The following RALGDS variants were observed in gnomAD, a reference collection of about 807,000 sequenced individuals.
RALGDS encodes the protein ral guanine nucleotide exchange factor.
RALGDS carries 44 observed loss-of-function variants against 99.8 expected under a neutral mutation model. That is an observed-to-expected ratio of 0.44 (90% CI 0.35 to 0.57). The LOEUF (loss-of-function observed/expected upper bound fraction) is 0.57, where lower values mean the gene tolerates loss of function less well. Ranked by LOEUF, RALGDS falls within the 20% of genes least tolerant of loss-of-function variation. The pLI, the probability that RALGDS is intolerant of heterozygous loss-of-function variation, is 0.01. For synonymous variants in RALGDS, 529 were observed against 505.0 expected (o/e 1.05, Z -0.64); for missense variants, 1,022 against 1,203.1 (o/e 0.85, Z 2.23).
At chr9:133,138,708 C>G (rs774675182) in intron 1 of RALGDS, among the ~76,000 whole-genome samples, 1 of 152,196 alleles carries the variant, frequency 6.6e-6, no homozygotes, top group Non-Finnish European at 1.5e-5. Context: ...GATCTCGGCT[C>G]GCTGCAACCT....
chr9:133,098,503 T>G lies in RALGDS; in HGVS notation c.*84A>C, dbSNP rs1588503208. ...GTCTGGGGTACCCTGGGCTGGCAGGTGGGAGGAAGGCGCCCAGCTGGCCTG... is the reference window on the plus strand; with the variant it reads ...GTCTGGGGTACCCTGGGCTGGCAGGGGGGAGGAAGGCGCCCAGCTGGCCTG... On this transcript the variant is annotated 3_prime_UTR_variant, in exon 18 of 18. Transcript: ENST00000372050. The G allele has an allele frequency of 2.1e-6, 3 of 1,430,730 alleles. No individual in the cohort carries two copies. The highest frequency in any genetic ancestry group is 1.9e-6 in the Non-Finnish European group (2 of 1,026,088). 88.6% of individuals were successfully genotyped at this position (1,430,730 alleles called of 1,614,324 possible).
At chr9:133,124,145 CACAGAGACACATACATAGAG>C (rs1412830115), upstream of RALGDS, among the ~76,000 whole-genome samples, 1 of 146,562 alleles carries the variant, frequency 6.8e-6, no homozygotes, top group Admixed American at 6.8e-5. Context: ...GACACACACA[CACAGAGACACATACATAGAG>C]ACAGAGACAC....
chr9:133,103,091 TG>T, intron 12 of RALGDS, 138 bp downstream of exon 12: 2 of 1,371,104 alleles, frequency 1.5e-6, no homozygotes, highest in Non-Finnish European at 2.0e-6. Context: ...CACCCTCCAG[TG>T]GGAGGGGACC....
chr9:133,137,509 G>A (rs1357661458), intron 1 of RALGDS, among the ~76,000 whole-genome samples: 2 of 152,252 alleles, frequency 1.3e-5, no homozygotes, highest in African/African-American at 2.4e-5. Flanking sequence ...AGGGCAGGGG[G>A]CCGGAGGGCC....
chr9:133,135,188 C>A (rs1054968622), upstream of RALGDS, among the ~76,000 whole-genome samples: 1 of 152,102 alleles, frequency 6.6e-6, no homozygotes, highest in Non-Finnish European at 1.5e-5. Context: ...CTAGGGAGAC[C>A]CGGGGACTCC....
intron 1 of RALGDS, among the ~76,000 whole-genome samples, chr9:133,139,075 G>A (rs1230904498): frequency 2.0e-5 from 3 of 152,158 alleles, no homozygotes; most frequent in Non-Finnish European, 4.4e-5. Context: ...TGCTCCCTCA[G>A]CCACTGTCAA....
chr9:133,146,635 C>G (rs565858835), intron 1 of RALGDS, among the ~76,000 whole-genome samples: 1 of 152,352 alleles, frequency 6.6e-6, no homozygotes, highest in East Asian at 1.9e-4. Context: ...GATTTAGTGA[C>G]TGGCTTCTCA....
intron 4 of RALGDS, 71 bp downstream of exon 4, chr9:133,109,537 GCCAGCCCCGGCTCCGGCC>G: frequency 8.1e-7 from 1 of 1,236,158 alleles, no homozygotes; most frequent in Non-Finnish European, 1.2e-6. Flanking sequence ...GTTCTGCCCA[GCCAGCCCCGGCTCCGGCC>G]CCAGCCCCAT....
intron 4 of RALGDS, 34 bp from the exon 5 acceptor site, chr9:133,108,900 C>T: frequency 1.3e-6 from 2 of 1,573,104 alleles, no homozygotes; most frequent in Non-Finnish European, 1.7e-6. Context: ...GAGTCAGAGG[C>T]CTGGGCTCCC....
At chr9:133,101,837 C>T (rs750596841) in intron 15 of RALGDS, 75 bp from the exon 16 acceptor site, 1 of 1,553,024 alleles carries the variant, frequency 6.4e-7, no homozygotes. Flanking sequence ...GATGGGGAAC[C>T]TTCTAGAAGC....
intron 1 of RALGDS, among the ~76,000 whole-genome samples, chr9:133,119,183 A>C (rs1831774614): frequency 2.0e-5 from 3 of 152,154 alleles, no homozygotes; most frequent in Admixed American, 6.5e-5. Context: ...GAAGGCAGAA[A>C]CTGTCTGGTG....
Position 133,098,412 on chromosome 9 carries a change from C to G in RALGDS, c.*175G>C, listed in dbSNP as rs1295614631. ...AAGGCAGCGAGTGGTCCACGGGAGG[C>G]CAGGTCAGCCTGACCAATGGCAGGC... On this transcript the variant is annotated 3_prime_UTR_variant, in exon 18 of 18. Coordinates refer to ENST00000372050, the MANE Select transcript of RALGDS (RefSeq NM_006266.4). 2.9e-6 allele frequency: 2 copies of G among 684,300 alleles called. No homozygotes were observed. The highest frequency in any genetic ancestry group is 5.0e-6 in the Non-Finnish European group (2 of 400,790). 42.4% of individuals were successfully genotyped at this position (684,300 alleles called of 1,614,324 possible).
chr9:133,108,354 T>C lies in RALGDS; in HGVS notation c.831A>G (p.Leu277=). The change falls in exon 6 of 18, where the codon CTA becomes CTG. Residue 277 remains leucine (L), a synonymous_variant. Transcript: ENST00000372050. ...LKPTPELELA[L]TPARAPSPVP... is the part of the protein sequence containing the mutation. ...CTGGGCTGGGTGCTCGAGCTGGTGT[T>C]AGAGCTAGCTCGAGCTCTGGAGTTG... 1 of 1,539,860 alleles carries C rather than the reference T, an allele frequency of 6.5e-7. No individual in the cohort carries two copies. The highest frequency in any genetic ancestry group is 8.7e-7 in the Non-Finnish European group (1 of 1,146,974).
chr9:133,110,596 G>C (rs1052232227), intron 2 of RALGDS, 107 bp from the exon 3 acceptor site: 9 of 945,716 alleles, frequency 9.5e-6, no homozygotes, highest in African/African-American at 4.8e-5. Flanking sequence ...AGGCAGGACT[G>C]AGTATCTCTA....
chr9:133,135,269 G>C (rs1224703486), upstream of RALGDS, among the ~76,000 whole-genome samples: 1 of 152,206 alleles, frequency 6.6e-6, no homozygotes, highest in African/African-American at 2.4e-5. Context: ...AGTGGGGAGA[G>C]AAAGGCAAAG....
chr9:133,142,066 C>T (rs1832532421), intron 1 of RALGDS, among the ~76,000 whole-genome samples: 1 of 152,204 alleles, frequency 6.6e-6, no homozygotes, highest in Admixed American at 6.5e-5. Flanking sequence ...CATTCTGCCA[C>T]TGTCAACTCT....
intron 16 of RALGDS, chr9:133,101,181 A>C: frequency 2.5e-6 from 3 of 1,206,334 alleles, no homozygotes; most frequent in East Asian, 5.1e-5. Flanking sequence ...CAGAGAAGCC[A>C]GCCATCATTG....
chr9:133,117,028 G>C (rs1481286652), intron 1 of RALGDS, among the ~76,000 whole-genome samples: 1 of 152,208 alleles, frequency 6.6e-6, no homozygotes, highest in Non-Finnish European at 1.5e-5. Context: ...TTGTGGACGT[G>C]CCCTGGGCAA....
chr9:133,100,817 C>T (rs1023309771), intron 16 of RALGDS: 71 of 1,079,274 alleles, frequency 6.6e-5, no homozygotes, highest in Non-Finnish European at 7.9e-5. Flanking sequence ...GCTACCTTGA[C>T]CCTGAGGGCC....
Sources: gnomAD v4.1 joint callset for allele counts (sites outside exome capture counted in the v4.1 genomes callset) on GRCh38, gnomAD v4.1.1 for gene constraint, MANE v1.5 for transcripts, NCBI Gene and HGNC (gene_info 2026-07-23, HGNC 2026-07-21) for gene names.